Variants in SCAPER observed in about 807,000 individuals in gnomAD.
The protein encoded by SCAPER is S phase cyclin A-associated protein in the endoplasmic reticulum.
SCAPER carries 98 observed loss-of-function variants against 182.2 expected under a neutral mutation model. The observed-to-expected ratio is 0.54, with a 90% CI of 0.46 to 0.64. The LOEUF (loss-of-function observed/expected upper bound fraction) is 0.64, where lower values mean the gene tolerates loss of function less well. Ranked by LOEUF, SCAPER falls within the 30% of genes least tolerant of loss-of-function variation. The pLI is 0.00. For synonymous variants in SCAPER, 605 were observed against 564.6 expected, an observed-to-expected ratio of 1.07 and a Z score of -1.01; for missense variants, 1,432 against 1,690.0, an observed-to-expected ratio of 0.85 and a Z score of 2.68.
At chr15:76,467,771 G>A (rs1031034122) in intron 25 of SCAPER, among the ~76,000 whole-genome samples, 1 of 152,082 alleles carries the variant, frequency 6.6e-6, no homozygotes, top group Non-Finnish European at 1.5e-5. Flanking sequence ...TTAACTGTGT[G>A]CTTCTAGAGT....
Position 76,648,054 on chromosome 15 carries a change from A to C in SCAPER, c.2645+17599T>G, listed in dbSNP as rs551259241. ...TTATACTGTCCAATATATGAAAAAA[A>C]TAAAATACTAATAACAAAATTACTA... On this transcript the variant is annotated intron_variant, in intron 21 of 31. Transcript: ENST00000563290. 3.9e-5 allele frequency among the ~76,000 whole-genome samples: 6 copies of C among 152,346 alleles called. 1 individual carries two copies. Among genetic ancestry groups the C allele is most frequent in the African/African-American group, 1.4e-4 (6 of 41,596 alleles).
chr15:76,566,601 G>A (rs2047053011), intron 23 of SCAPER, among the ~76,000 whole-genome samples: 1 of 152,082 alleles, frequency 6.6e-6, no homozygotes, highest in Non-Finnish European at 1.5e-5. Flanking sequence ...ACAAAGTAAT[G>A]AGAAAAGTCA....
In SCAPER at chr15:76,765,620, T is replaced by G; in HGVS notation, c.1438A>C (p.Ser480Arg). The G allele has an allele frequency of 6.3e-7, 1 of 1,582,322 alleles. No individual in the cohort carries two copies. The part of the protein sequence containing the change: ...SDFSASMGSG[S>R]VSFCGMSMDW... ...ATGGACATACCACAGAAAGAAACAC[T>G]CCCACTGCCCATGCTGGCCTAAAAT... Residue 480 changes from serine to arginine, a missense_variant, in exon 12 of 32, where the codon AGT becomes CGT. By Grantham distance (110) the Ser-to-Arg change is moderately radical (BLOSUM62 -1). Coordinates refer to ENST00000563290, the MANE Select transcript of SCAPER (RefSeq NM_020843.4).
intron 4 of SCAPER, 133 bp from the exon 5 acceptor site, chr15:76,842,064 G>A: frequency 1.4e-6 from 1 of 721,702 alleles, no homozygotes. Flanking sequence ...GAACATGTAT[G>A]GACTTTTTTC....
intron 23 of SCAPER, among the ~76,000 whole-genome samples, chr15:76,573,191 C>T (rs2047571688): frequency 6.6e-6 from 1 of 151,992 alleles, no homozygotes; most frequent in East Asian, 1.9e-4. Flanking sequence ...TTCTAAAAAA[C>T]AATGATACAC....
intron 22 of SCAPER, among the ~76,000 whole-genome samples, chr15:76,589,164 G>A (rs369580433): frequency 3.3e-5 from 5 of 152,138 alleles, no homozygotes; most frequent in Admixed American, 1.3e-4. Context: ...AGTTGCAGTC[G>A]TTTAATACAC....
chr15:76,396,058 A>T (rs1055365547), intron 27 of SCAPER, among the ~76,000 whole-genome samples: 5 of 152,186 alleles, frequency 3.3e-5, no homozygotes, highest in African/African-American at 1.2e-4. Context: ...GCATATGGAT[A>T]TCCAGTTTTC....
chr15:76,502,993 A>T (rs2041268467), intron 24 of SCAPER, among the ~76,000 whole-genome samples: 1 of 152,212 alleles, frequency 6.6e-6, no homozygotes, highest in Non-Finnish European at 1.5e-5. Context: ...GCTTTTGGGA[A>T]ATAGGCATTT....
intron 4 of SCAPER, among the ~76,000 whole-genome samples, chr15:76,851,227 A>G (rs2070725185): frequency 1.3e-5 from 2 of 152,166 alleles, no homozygotes; most frequent in African/African-American, 4.8e-5. Flanking sequence ...GCATCCCTGA[A>G]AAGGATGGGG....
At chr15:76,625,761 A>G (rs1489689338) in intron 21 of SCAPER, among the ~76,000 whole-genome samples, 1 of 152,030 alleles carries the variant, frequency 6.6e-6, no homozygotes, top group Non-Finnish European at 1.5e-5. Flanking sequence ...GGCTAGACGC[A>G]GGAGTCCACG....
chr15:76,636,057 T>C (rs1325176330), intron 21 of SCAPER, among the ~76,000 whole-genome samples: 2 of 152,230 alleles, frequency 1.3e-5, no homozygotes, highest in Admixed American at 6.5e-5. Context: ...AGCAGTGTTA[T>C]GCTGATTTTG....
chr15:76,853,568 CAT>C (rs370020764), intron 4 of SCAPER, among the ~76,000 whole-genome samples: 3 of 151,358 alleles, frequency 2.0e-5, no homozygotes, highest in African/African-American at 7.3e-5. Flanking sequence ...AAAAAAACCA[CAT>C]AGTTATCTCA....
At chr15:76,432,188 A>G (rs965094363) in intron 26 of SCAPER, among the ~76,000 whole-genome samples, 1 of 152,222 alleles carries the variant, frequency 6.6e-6, no homozygotes, top group African/African-American at 2.4e-5. Context: ...GACATTCGTC[A>G]GCAGAGAGGG....
At chr15:76,668,115 C>G (rs572040925) in intron 20 of SCAPER, among the ~76,000 whole-genome samples, 2 of 152,252 alleles carry the variant, frequency 1.3e-5, no homozygotes, top group Non-Finnish European at 2.9e-5. Flanking sequence ...TTTGAGTAAA[C>G]GGTACCATCA....
chr15:76,573,932 G>A (rs931824907), intron 23 of SCAPER, among the ~76,000 whole-genome samples: 4 of 151,440 alleles, frequency 2.6e-5, no homozygotes, highest in African/African-American at 9.7e-5. Context: ...CATGACTGAG[G>A]AAACCATGAC....
chr15:76,785,946 A>C (rs2064563036), intron 8 of SCAPER, among the ~76,000 whole-genome samples: 1 of 152,174 alleles, frequency 6.6e-6, no homozygotes, highest in Non-Finnish European at 1.5e-5. Context: ...TGATGGGTGC[A>C]GTACACCAAC....
chr15:76,478,285 A>T lies in SCAPER; in HGVS notation c.2955-6950T>A, dbSNP rs189488653. 2.0e-5 allele frequency among the ~76,000 whole-genome samples: 3 copies of T among 152,146 alleles called. No homozygotes were observed. In the East Asian group the frequency reaches 5.8e-4, roughly 29 times the overall value. On this transcript the variant is annotated intron_variant, in intron 24 of 31. Coordinates refer to ENST00000563290, the MANE Select transcript of SCAPER (RefSeq NM_020843.4). ...CATCTTTTAAAAATAACTTACTAAG[A>T]TTATCTCATTATAAATATGACAAAT... is the stretch of plus-strand genomic sequence containing the variant.
At position 76,617,979 on chromosome 15, in the gene SCAPER, C is replaced by A. The variant is rs149949111; in HGVS notation, c.2711+3785G>T. 8.7e-4 allele frequency among the ~76,000 whole-genome samples: 132 copies of A among 152,240 alleles called. 3 individuals are homozygous for A. The East Asian group carries it at 0.025, about 28-fold the overall frequency. On this transcript the variant is annotated intron_variant, in intron 22 of 31. Coordinates refer to ENST00000563290, the MANE Select transcript of SCAPER (RefSeq NM_020843.4). ...GACTGTTTTAAAAAATCTCTTCCAGCTGGGCATGATGGCTCACACCTATAA... is the reference window on the plus strand; with the variant it reads ...GACTGTTTTAAAAAATCTCTTCCAGATGGGCATGATGGCTCACACCTATAA...
At chr15:76,378,893 A>G (rs1308992317) in intron 28 of SCAPER, among the ~76,000 whole-genome samples, 2 of 152,188 alleles carry the variant, frequency 1.3e-5, no homozygotes, top group Non-Finnish European at 2.9e-5. Context: ...CTTGTCTTTG[A>G]GTCATCCCAG....
Sources: gnomAD v4.1 joint callset for allele counts (sites outside exome capture counted in the v4.1 genomes callset) on GRCh38, gnomAD v4.1.1 for gene constraint, MANE v1.5 for transcripts, NCBI Gene and HGNC (gene_info 2026-07-23, HGNC 2026-07-21) for gene names.